SPECC1: variants seen among roughly 807,000 people sequenced by gnomAD.
SPECC1 encodes the protein cytospin-B.
Under a neutral mutation model 104.1 loss-of-function variants are expected in SPECC1, and 62 were observed. That is an observed-to-expected ratio of 0.60 (90% CI 0.49 to 0.74). The LOEUF (loss-of-function observed/expected upper bound fraction) is 0.74. Among genes scored for constraint, SPECC1 ranks in the 30% least tolerant of loss-of-function variants. SPECC1 has a pLI of 0.00. For missense variants in SPECC1, 1,306 were observed against 1,310.5 expected (o/e 1.00, Z 0.05); for synonymous variants, 513 against 501.6 (o/e 1.02, Z -0.30).
chr17:20,138,201 A>G lies in SPECC1; in HGVS notation c.283+27639A>G, dbSNP rs540133912. Among the ~76,000 whole-genome samples the G allele has an allele frequency of 2.3e-4, 35 of 151,992 alleles. 1 individual carries two copies. Among genetic ancestry groups the G allele is most frequent in the East Asian group, 2.1e-3 (11 of 5,136 alleles). On this transcript the variant is annotated intron_variant, in intron 3 of 14. Transcript: ENST00000395527. ...GTGGTCTTGAACTCATGTTCAATCA[A>G]TGTTCCTGCTGTAGCCTCCCAAAGT...
intron 3 of SPECC1, among the ~76,000 whole-genome samples, chr17:20,193,492 C>T (rs1157465087): frequency 2.0e-5 from 3 of 151,718 alleles, no homozygotes; most frequent in African/African-American, 7.2e-5. Flanking sequence ...TTCTATAACT[C>T]CTTCAGGCTG....
intron 7 of SPECC1, among the ~76,000 whole-genome samples, chr17:20,240,060 ATTTTTTTTTTTTTTTTTTTT>A (rs748689632): frequency 6.2e-5 from 2 of 32,180 alleles, no homozygotes; most frequent in Non-Finnish European, 1.0e-4. Flanking sequence ...TGTCCAGCTA[ATTTTTTTTTTTTTTTTTTTT>A]TTTTTTTTTT....
At chr17:20,156,302 CCACCGCCTCCGGCTCGCGG>C in intron 3 of SPECC1, 5 of 1,304,648 alleles carry the variant, frequency 3.8e-6, no homozygotes, top group Non-Finnish European at 4.9e-6. Context: ...CGCCCTTCCC[CCACCGCCTCCGGCTCGCGG>C]CGCCGACTGG....
chr17:20,115,055 G>A lies in SPECC1; in HGVS notation c.283+4493G>A, dbSNP rs373949992. Among the ~76,000 whole-genome samples the A allele has an allele frequency of 1.0e-3, 152 of 152,190 alleles. 2 individuals are homozygous for A. The Middle Eastern group carries it at 0.017, about 17-fold the overall frequency. On this transcript the variant is annotated intron_variant, in intron 3 of 14. Coordinates refer to ENST00000395527, the MANE Select transcript of SPECC1 (RefSeq NM_001243439.2). ...ATAACCTAAAACTGCAGAAGGATCCGAAAGATATAACATGGTGTGTTTAGA... is the reference window on the plus strand; with the variant it reads ...ATAACCTAAAACTGCAGAAGGATCCAAAAGATATAACATGGTGTGTTTAGA...
At chr17:20,271,709 C>T (rs1234699745) in intron 12 of SPECC1, among the ~76,000 whole-genome samples, 1 of 151,994 alleles carries the variant, frequency 6.6e-6, no homozygotes, top group East Asian at 1.9e-4. Context: ...TAGTTCTTTG[C>T]CTCTCTCTTT....
intron 3 of SPECC1, among the ~76,000 whole-genome samples, chr17:20,142,360 T>G (rs1339615355): frequency 1.3e-5 from 2 of 152,222 alleles, no homozygotes; most frequent in African/African-American, 2.4e-5. Context: ...GAAAAGATAT[T>G]TGTGCGCCCG....
Position 20,227,557 on chromosome 17 carries a change from G to A in SPECC1, c.2008G>A (p.Asp670Asn). 1 of 1,612,462 alleles carries A rather than the reference G, an allele frequency of 6.2e-7. No homozygotes were observed. Among genetic ancestry groups the A allele is most frequent in the South Asian group, 1.1e-5 (1 of 90,932 alleles). Reference sequence around the variant, plus strand: ...GAAAGAAACCATATTTGAATTGGAAGATCAGGTGGAACAGCACCGGGCTGT... The same window carrying A: ...GAAAGAAACCATATTTGAATTGGAAAATCAGGTGGAACAGCACCGGGCTGT... Reference protein sequence around the residue: ...DMKETIFELEDQVEQHRAVKL... With the variant: ...DMKETIFELENQVEQHRAVKL... The change falls in exon 5 of 15, where the codon GAT becomes AAT. Residue 670 changes from aspartate to asparagine, a missense_variant. By Grantham distance (23) the Asp-to-Asn change is conservative. Transcript: ENST00000395527.
chr17:20,294,693 G>C (rs911940008), intron 12 of SPECC1, among the ~76,000 whole-genome samples: 3 of 96,614 alleles, frequency 3.1e-5, no homozygotes, highest in African/African-American at 6.5e-5. Context: ...GATGGTCATG[G>C]TTATGAAGGT....
intron 12 of SPECC1, among the ~76,000 whole-genome samples, chr17:20,296,582 A>G (rs2041358591): frequency 6.6e-6 from 1 of 152,180 alleles, no homozygotes; most frequent in Non-Finnish European, 1.5e-5. Flanking sequence ...CTTGATGGGG[A>G]TGGCATTGAA....
chr17:20,193,191 C>A (rs2035785913), intron 3 of SPECC1, among the ~76,000 whole-genome samples: 1 of 152,146 alleles, frequency 6.6e-6, no homozygotes, highest in African/African-American at 2.4e-5. Flanking sequence ...TGAGGACGAC[C>A]AGAGGTCACT....
intron 9 of SPECC1, 87 bp downstream of exon 9, chr17:20,247,406 GTGTA>G: frequency 2.4e-6 from 2 of 829,510 alleles, no homozygotes; most frequent in Admixed American, 2.2e-5. Context: ...GTGTCCGTGT[GTGTA>G]TGTGTGTGTG....
At chr17:20,174,202 T>C (rs1479026924) in intron 3 of SPECC1, among the ~76,000 whole-genome samples, 1 of 152,146 alleles carries the variant, frequency 6.6e-6, no homozygotes, top group Non-Finnish European at 1.5e-5. Flanking sequence ...AAGTGCTGTT[T>C]ACATGCCTAA....
chr17:20,218,145 T>A (rs957888968), intron 4 of SPECC1, among the ~76,000 whole-genome samples: 11 of 152,258 alleles, frequency 7.2e-5, no homozygotes, highest in African/African-American at 2.2e-4. Flanking sequence ...CAAACTGACC[T>A]GTATTATATT....
At chr17:20,244,647 A>G (rs1290190406) in intron 7 of SPECC1, among the ~76,000 whole-genome samples, 8 of 152,246 alleles carry the variant, frequency 5.3e-5, no homozygotes, top group African/African-American at 1.9e-4. Flanking sequence ...ATTCAACTGG[A>G]GAAGCTTATG....
rs778283957 is a variant in SPECC1, at chr17:20,205,898, A to G, written c.1849A>G (p.Ser617Gly). 6 of 1,609,658 alleles carry G rather than the reference A, an allele frequency of 3.7e-6. No homozygotes were observed. The highest frequency in any genetic ancestry group is 5.1e-6 in the Non-Finnish European group (6 of 1,179,282). The change falls in exon 4 of 15, where the codon AGT becomes GGT. Residue 617 changes from serine to glycine, a missense_variant. Ser to Gly is a moderately conservative substitution (Grantham distance 56). Transcript: ENST00000395527. ...AAACGGTGAAATTAAACATGTTTCCAGTCTGCTGGCCAAGGTGAGAAGAGA... is the reference window on the plus strand; with the variant it reads ...AAACGGTGAAATTAAACATGTTTCCGGTCTGCTGGCCAAGGTGAGAAGAGA... ...KANGEIKHVSSLLAKVEKDYS... is the reference protein window; with the variant it reads ...KANGEIKHVSGLLAKVEKDYS...
Position 20,314,009 on chromosome 17 carries a change from G to A in SPECC1, c.3151G>A (p.Asp1051Asn), listed in dbSNP as rs565518088. Residue 1051 changes from aspartate to asparagine, a missense_variant, in exon 15 of 15, where the codon GAC (aspartate) becomes AAC (asparagine). By Grantham distance (23) the Asp-to-Asn change is conservative. Around this residue, in one of 2 missense-constraint regions of SPECC1, gnomAD observed 129 missense variants for 170.6 expected, o/e 0.76. Coordinates refer to ENST00000395527, the MANE Select transcript of SPECC1 (RefSeq NM_001243439.2). The stretch of plus-strand genomic sequence containing the variant: ...CGAGATGCTGTACACAGACCGGCCC[G>A]ACTGGCAGAGTGTGATGCAGTACGT... The part of the protein sequence containing the change: ...LSEMLYTDRP[D>N]WQSVMQYVAQ... The A allele has an allele frequency of 1.5e-5, 25 of 1,614,160 alleles. 1 individual carries two copies. The highest frequency in any genetic ancestry group is 6.6e-5 in the South Asian group (6 of 91,070).
In SPECC1 at chr17:20,205,890, A is replaced by G; in HGVS notation, c.1841A>G (p.His614Arg). 1 of 1,611,654 alleles carries G rather than the reference A, an allele frequency of 6.2e-7. No individual in the cohort carries two copies. The highest frequency in any genetic ancestry group is 1.3e-5 in the African/African-American group (1 of 75,048). Residue 614 changes from histidine (H) to arginine (R), a missense_variant, in exon 4 of 15, where the codon CAT (histidine) becomes CGT (arginine). By Grantham distance (29) the His-to-Arg change is conservative (BLOSUM62 0). This residue lies in a region of SPECC1 where 1,177 missense variants were observed against 1,139.9 expected (regional missense o/e 1.03). Transcript: ENST00000395527. ...ELLKANGEIK[H>R]VSSLLAKVEK... ...CTAAAGGCAAACGGTGAAATTAAACATGTTTCCAGTCTGCTGGCCAAGGTG... is the reference window on the plus strand; with the variant it reads ...CTAAAGGCAAACGGTGAAATTAAACGTGTTTCCAGTCTGCTGGCCAAGGTG...
At chr17:20,246,229 T>C (rs2039417335) in intron 8 of SPECC1, among the ~76,000 whole-genome samples, 158 bp downstream of exon 8, 1 of 152,212 alleles carries the variant, frequency 6.6e-6, no homozygotes, top group Non-Finnish European at 1.5e-5. Context: ...TGCAGGAGCC[T>C]GGCTGAGGCT....
chr17:20,223,321 T>C (rs2038005412), intron 4 of SPECC1, among the ~76,000 whole-genome samples: 1 of 152,196 alleles, frequency 6.6e-6, no homozygotes, highest in Non-Finnish European at 1.5e-5. Flanking sequence ...GAGACTCTGA[T>C]GCATTCTTCA....
Sources: allele counts gnomAD v4.1 joint callset (sites outside exome capture counted in the v4.1 genomes callset), GRCh38; gene constraint gnomAD v4.1.1; regional missense constraint gnomAD v4.1.1; transcripts MANE v1.5; gene names NCBI Gene and HGNC (gene_info 2026-07-23, HGNC 2026-07-21).